Variants in TBC1D22B observed in about 807,000 individuals in gnomAD.
TBC1D22B encodes the protein chromosome 6 open reading frame 197.
TBC1D22B carries 32 observed loss-of-function variants against 69.1 expected under a neutral mutation model. The ratio of observed to expected loss-of-function variants is 0.46; its 90% CI spans 0.35 to 0.62. TBC1D22B has a LOEUF of 0.62. Ranked by LOEUF, TBC1D22B falls within the 20% of genes least tolerant of loss-of-function variation. The pLI, the probability that TBC1D22B is intolerant of heterozygous loss-of-function variation, is 0.00. For missense variants in TBC1D22B, 462 were observed against 630.9 expected, an observed-to-expected ratio of 0.73 and a Z score of 2.87; for synonymous variants, 206 against 229.8, an observed-to-expected ratio of 0.90 and a Z score of 0.94.
At chr6:37,266,790 A>G (rs73419847) in intron 1 of TBC1D22B, among the ~76,000 whole-genome samples, 4,845 of 152,184 alleles carry the variant, frequency 0.032, 244 homozygotes, top group African/African-American at 0.11. Flanking sequence ...TTTAAAAGAT[A>G]TACTGTAATT....
At chr6:37,259,128 G>A (rs1765976120) in intron 1 of TBC1D22B, among the ~76,000 whole-genome samples, 1 of 151,920 alleles carries the variant, frequency 6.6e-6, no homozygotes, top group Admixed American at 6.6e-5. Context: ...AAAGTGTTGG[G>A]ATTACAGGCG....
At chr6:37,317,658 T>C (rs956317745) in intron 12 of TBC1D22B, among the ~76,000 whole-genome samples, 2 of 152,150 alleles carry the variant, frequency 1.3e-5, no homozygotes, top group Non-Finnish European at 2.9e-5. Flanking sequence ...AGAAATAATA[T>C]TTTTTTAAAA....
chr6:37,297,703 T>C (rs1767426463), intron 8 of TBC1D22B, among the ~76,000 whole-genome samples: 1 of 152,196 alleles, frequency 6.6e-6, no homozygotes, highest in African/African-American at 2.4e-5. Flanking sequence ...GTATGTTTAT[T>C]AAAAAATCAA....
chr6:37,262,094 G>A (rs1460491440), intron 1 of TBC1D22B, among the ~76,000 whole-genome samples: 5 of 147,014 alleles, frequency 3.4e-5, no homozygotes, highest in South Asian at 2.2e-4. Context: ...GCAGTGGCAC[G>A]ATCTCAGCTC....
intron 9 of TBC1D22B, among the ~76,000 whole-genome samples, chr6:37,313,489 CAAA>C (rs60514210): frequency 2.8e-5 from 4 of 141,452 alleles, no homozygotes; most frequent in African/African-American, 2.6e-5. Flanking sequence ...GACCCTATCT[CAAA>C]AAAAAAAAAA....
intron 7 of TBC1D22B, among the ~76,000 whole-genome samples, chr6:37,288,524 C>T (rs576130828): frequency 2.2e-4 from 33 of 152,244 alleles, no homozygotes; most frequent in African/African-American, 7.5e-4. Context: ...CCAGCCTGAG[C>T]CTAGGAGTTT....
rs756459599 is a variant in TBC1D22B at position 37,285,315 on chromosome 6, C to CTTTTTTTTTTTTTTTTTTTTTTTTTTT, written c.801+852_801+878dup. Among the ~76,000 whole-genome samples, 7 of 73,552 alleles carry CTTTTTTTTTTTTTTTTTTTTTTTTTTT rather than the reference C, an allele frequency of 9.5e-5. 2 individuals carry two copies. The highest frequency in any genetic ancestry group is 4.2e-4 in the African/African-American group (7 of 16,848). The allele number at this position is 73,552 out of a possible 152,430, so 48.3% of individuals were successfully genotyped here. A position where few individuals can be genotyped will look rare whatever the true frequency, so the allele number is the denominator to read the frequency against. ...GCCAACTCCTTTTGGTCCTTCCCCA[C>CTTTTTTTTTTTTTTTTTTTTTTTTTTT]TTTTTTTTTTTTTTTTTTTTTTTTT... On this transcript the variant is annotated intron_variant, in intron 6 of 12. Coordinates refer to ENST00000373491, the MANE Select transcript of TBC1D22B (RefSeq NM_017772.4).
At chr6:37,275,213 A>G (rs1324409685) in intron 2 of TBC1D22B, among the ~76,000 whole-genome samples, 1 of 152,164 alleles carries the variant, frequency 6.6e-6, no homozygotes, top group African/African-American at 2.4e-5. Flanking sequence ...TGCTGCAACT[A>G]CTGGGGTCAA....
intron 8 of TBC1D22B, among the ~76,000 whole-genome samples, chr6:37,309,723 T>G (rs1422115092): frequency 6.6e-6 from 1 of 152,098 alleles, no homozygotes; most frequent in African/African-American, 2.4e-5. Flanking sequence ...AAACAGTTCC[T>G]TGGGGCATTG....
intron 1 of TBC1D22B, among the ~76,000 whole-genome samples, chr6:37,267,340 AAT>A (rs1445358063): frequency 5.3e-5 from 7 of 133,066 alleles, no homozygotes; most frequent in South Asian, 2.1e-4. Flanking sequence ...ACACATATAT[AAT>A]ATATATATAC....
Position 37,313,134 on chromosome 6 carries a change from A to C in TBC1D22B, c.1089+110A>C, listed in dbSNP as rs1767970818. 1.0e-5 allele frequency: 8 copies of C among 777,182 alleles called. No homozygotes were observed. In the South Asian group the frequency reaches 1.1e-4, roughly 11 times the overall value. 48.1% of individuals were successfully genotyped at this position (777,182 alleles called of 1,614,324 possible). A position where few individuals can be genotyped will look rare whatever the true frequency, so the allele number is the denominator to read the frequency against. On this transcript the variant is annotated intron_variant, in intron 9 of 12. Transcript: ENST00000373491. Reference sequence around the variant, plus strand: ...ATCAGGCAGGACCACCCACCCACCCACTATGGCTCCTCCTCCTTTTCATCC... The same window carrying C: ...ATCAGGCAGGACCACCCACCCACCCCCTATGGCTCCTCCTCCTTTTCATCC...
intron 9 of TBC1D22B, 92 bp from the exon 10 acceptor site, chr6:37,313,724 A>G (rs1330524715): frequency 8.9e-6 from 11 of 1,233,506 alleles, no homozygotes; most frequent in Non-Finnish European, 1.3e-5. Context: ...AGCTTTGGAA[A>G]ATGGCCTGAA....
intron 6 of TBC1D22B, among the ~76,000 whole-genome samples, chr6:37,284,898 C>T (rs888115480): frequency 3.3e-5 from 5 of 152,122 alleles, no homozygotes; most frequent in Non-Finnish European, 7.4e-5. Context: ...CTTACCTAGC[C>T]GTGGTCCAGT....
intron 3 of TBC1D22B, among the ~76,000 whole-genome samples, chr6:37,281,144 C>T (rs1766813418): frequency 6.6e-6 from 1 of 152,168 alleles, no homozygotes; most frequent in Non-Finnish European, 1.5e-5. Context: ...CTGAGTTTTG[C>T]TTGTGGTAAT....
At position 37,273,023 on chromosome 6, in the gene TBC1D22B, C is replaced by T. The variant is rs1371703710; in HGVS notation, c.113+3373C>T. On this transcript the variant is annotated intron_variant, in intron 2 of 12. Transcript: ENST00000373491. ...GGTTCTGGCCAATCAAAGAAAGTCT[C>T]CTGGGGGAGGGTTCTTGGAAAGATT... 2.0e-5 allele frequency among the ~76,000 whole-genome samples: 3 copies of T among 151,932 alleles called. No individual in the cohort carries two copies. In the East Asian group the frequency reaches 5.8e-4, roughly 29 times the overall value.
chr6:37,271,294 C>T (rs1205854859), intron 2 of TBC1D22B, among the ~76,000 whole-genome samples: 2 of 152,120 alleles, frequency 1.3e-5, no homozygotes, highest in Non-Finnish European at 2.9e-5. Context: ...CCCTGGGCAA[C>T]AGAGCAAGAC....
chr6:37,301,260 G>A (rs1767563241), intron 8 of TBC1D22B, among the ~76,000 whole-genome samples: 1 of 152,132 alleles, frequency 6.6e-6, no homozygotes. Context: ...TGTACTTCGT[G>A]TGCCAGACAA....
In TBC1D22B at chr6:37,312,263, T is replaced by C. The variant is rs537751771; in HGVS notation, c.983-655T>C. 7.2e-5 allele frequency among the ~76,000 whole-genome samples: 11 copies of C among 152,358 alleles called. No individual in the cohort carries two copies. The South Asian group carries it at 1.9e-3, about 26-fold the overall frequency. ...TCTAATGCAACATTTCTCAACCATA[T>C]TTGTCTGTGGAACCCCCCCTTTTTT... On this transcript the variant is annotated intron_variant, in intron 8 of 12. Coordinates refer to ENST00000373491, the MANE Select transcript of TBC1D22B (RefSeq NM_017772.4).
At chr6:37,264,702 A>G (rs889939855) in intron 1 of TBC1D22B, among the ~76,000 whole-genome samples, 4 of 152,204 alleles carry the variant, frequency 2.6e-5, no homozygotes, top group Admixed American at 2.6e-4. Context: ...GAGTTAGTAG[A>G]TGCTGGGGGT....
Sources: allele counts gnomAD v4.1 joint callset (sites outside exome capture counted in the v4.1 genomes callset), GRCh38; gene constraint gnomAD v4.1.1; transcripts MANE v1.5; gene names NCBI Gene and HGNC (gene_info 2026-07-23, HGNC 2026-07-21).